The following EQTN variants were observed in gnomAD, a reference collection of about 807,000 sequenced individuals.
EQTN encodes Acrosome formation associated factor.
A neutral mutation model predicts 26.9 loss-of-function variants in EQTN; 29 were observed. The observed-to-expected ratio is 1.08, with a 90% CI of 0.80 to 1.47. The LOEUF is 1.47. EQTN is among the 40% of genes most tolerant of loss of function. EQTN has a pLI of 0.00. For synonymous variants in EQTN, 129 were observed against 120.0 expected, an observed-to-expected ratio of 1.07 and a Z score of -0.49; for missense variants, 391 against 346.1, an observed-to-expected ratio of 1.13 and a Z score of -1.03.
chr9:27,292,352 C>T (rs780534327), intron 4 of EQTN, 49 bp downstream of exon 4: 24 of 1,281,464 alleles, frequency 1.9e-5, no homozygotes, highest in Admixed American at 6.1e-5. Flanking sequence ...ATTTTTAAGT[C>T]ACATAATGAT....
chr9:27,296,405 A>G (rs1820344141), intron 2 of EQTN, among the ~76,000 whole-genome samples: 1 of 152,230 alleles, frequency 6.6e-6, no homozygotes, highest in South Asian at 2.1e-4. Flanking sequence ...AAGGATTAAT[A>G]TATTCTACAT....
At chr9:27,292,589 G>A (rs2131308580) in intron 3 of EQTN, 102 bp from the exon 4 acceptor site, 1 of 601,140 alleles carries the variant, frequency 1.7e-6, no homozygotes, top group African/African-American at 1.9e-5. Context: ...ATGGAACAAA[G>A]AAAAGGAGAG....
chr9:27,294,667 G>A (rs1820302379), intron 2 of EQTN, among the ~76,000 whole-genome samples: 1 of 152,186 alleles, frequency 6.6e-6, no homozygotes, highest in Non-Finnish European at 1.5e-5. Flanking sequence ...AAAAAAATAT[G>A]TAAGCACATA....
rs1359478027 is a variant in EQTN, at chr9:27,294,420, A to T, written c.203-18T>A. The stretch of plus-strand genomic sequence containing the variant: ...GAACACATCTAAAAACAAAAGCGAA[A>T]GTCTTCAGCAACTAGCTAAGTCACT... On this transcript the variant is annotated intron_variant, in intron 2 of 7. Coordinates refer to ENST00000380032, the MANE Select transcript of EQTN (RefSeq NM_020641.3). The T allele has an allele frequency of 6.6e-7, 1 of 1,519,052 alleles. No individual in the cohort carries two copies. Among genetic ancestry groups the T allele is most frequent in the Non-Finnish European group, 9.0e-7 (1 of 1,113,760 alleles). 94.1% of individuals were successfully genotyped at this position (1,519,052 alleles called of 1,614,324 possible). A position where few individuals can be genotyped will look rare whatever the true frequency, so the allele number is the denominator to read the frequency against.
At chr9:27,292,630 T>G in intron 3 of EQTN, 143 bp from the exon 4 acceptor site, 1 of 530,446 alleles carries the variant, frequency 1.9e-6, no homozygotes, top group Non-Finnish European at 3.2e-6. Flanking sequence ...ACATTAACAT[T>G]TTCCAGAAAT....
intron 4 of EQTN, 165 bp downstream of exon 4, chr9:27,292,236 G>C (rs10757650): frequency 0.99 from 416,169 of 419,442 alleles, 206,539 homozygotes; most frequent in East Asian, 1. Flanking sequence ...AAGACTGACT[G>C]TTAGACATTC....
At chr9:27,292,529 G>A (rs369832292) in intron 3 of EQTN, 42 bp from the exon 4 acceptor site, 1 of 1,198,396 alleles carries the variant, frequency 8.3e-7, no homozygotes, top group Admixed American at 1.9e-5. Context: ...TAAAAATACT[G>A]ACGAAACATC....
chr9:27,285,377 C>T (rs914230461), intron 7 of EQTN, among the ~76,000 whole-genome samples: 2 of 151,990 alleles, frequency 1.3e-5, no homozygotes, highest in East Asian at 3.9e-4. Flanking sequence ...TTCTTGACCT[C>T]GTGATCCACC....
At chr9:27,292,805 G>T (rs1398838167) in intron 3 of EQTN, among the ~76,000 whole-genome samples, 1 of 152,196 alleles carries the variant, frequency 6.6e-6, no homozygotes, top group Non-Finnish European at 1.5e-5. Flanking sequence ...ATTGGCTCCA[G>T]ATGGTTCCCT....
chr9:27,286,219 TCA>T lies in EQTN; in HGVS notation c.623_624del (p.Leu208GlnfsTer6). On this transcript the variant is annotated frameshift_variant, in exon 7 of 8. Transcript: ENST00000380032. LOFTEE classifies it low-confidence loss of function (END_TRUNC). Reference sequence around the variant, plus strand: ...GGTCTGCAGACTTACCTCAGATGCCTCAGTTTGTACAGTGTAGCACTACAGAA... The same window carrying T: ...GGTCTGCAGACTTACCTCAGATGCCTGTTTGTACAGTGTAGCACTACAGAA... ...LAFCSATLYK[L>X]RHLSYKSCES... 1 of 1,613,812 alleles carries T rather than the reference TCA, an allele frequency of 6.2e-7. No homozygotes were observed. The highest frequency in any genetic ancestry group is 8.5e-7 in the Non-Finnish European group (1 of 1,179,830).
chr9:27,291,789 A>G (rs1302080190), intron 4 of EQTN, among the ~76,000 whole-genome samples: 1 of 152,226 alleles, frequency 6.6e-6, no homozygotes, highest in East Asian at 1.9e-4. Context: ...CTTGGATTGC[A>G]TAAACTGGAG....
chr9:27,296,788 T>C, intron 1 of EQTN, 50 bp from the exon 2 acceptor site: 1 of 1,582,294 alleles, frequency 6.3e-7, no homozygotes, highest in Non-Finnish European at 8.5e-7. Flanking sequence ...TGATTTCTTT[T>C]ACTGCTTTCT....
At chr9:27,288,851 G>A (rs1273834836) in intron 6 of EQTN, among the ~76,000 whole-genome samples, 6 of 152,176 alleles carry the variant, frequency 3.9e-5, no homozygotes, top group Non-Finnish European at 8.8e-5. Flanking sequence ...AGGGGTTCAG[G>A]AGGAGAGAGG....
intron 3 of EQTN, 60 bp downstream of exon 3, chr9:27,294,256 C>A: frequency 1.7e-6 from 2 of 1,175,512 alleles, no homozygotes; most frequent in South Asian, 1.4e-5. Context: ...TCTCTTATTG[C>A]TGTTTTGAAA....
chr9:27,288,815 C>T lies in EQTN; in HGVS notation c.481+857G>A, dbSNP rs7033079. On this transcript the variant is annotated intron_variant, in intron 6 of 7. Transcript: ENST00000380032. Reference sequence around the variant, plus strand: ...CATTCTAGAAAAGGCAAAACTATAGCGATAGTAAAAAGATCAGTGGTTTTC... The same window carrying T: ...CATTCTAGAAAAGGCAAAACTATAGTGATAGTAAAAAGATCAGTGGTTTTC... Among the ~76,000 whole-genome samples, 1,027 of 152,074 alleles carry T rather than the reference C, an allele frequency of 6.8e-3. 11 individuals carry two copies. Among genetic ancestry groups the T allele is most frequent in the African/African-American group, 0.024 (994 of 41,450 alleles).
At chr9:27,292,012 C>T (rs559769272) in intron 4 of EQTN, 1 of 152,578 alleles carries the variant, frequency 6.6e-6, no homozygotes. Flanking sequence ...TAATAATTGA[C>T]CCTAACCAGA....
chr9:27,294,274 T>C, intron 3 of EQTN, 42 bp downstream of exon 3: 1 of 1,411,054 alleles, frequency 7.1e-7, no homozygotes, highest in Non-Finnish European at 1.0e-6. Context: ...AAATCCTGCT[T>C]TAATGGCTTT....
At position 27,286,301 on chromosome 9, in the gene EQTN, T is replaced by A. The variant is rs1441441682; in HGVS notation, c.543A>T (p.Lys181Asn). ...TCATCAACGAGATTCCCAGCATTAT[T>A]TTGATCTTCAGATCCTCTAGATCTG... ...NQPDLEDLKI[K>N]IMLGISLMTL... Residue 181 changes from lysine to asparagine, a missense_variant, in exon 7 of 8, where the codon AAA (lysine) becomes AAT (asparagine). Physicochemically the swap from Lys to Asn is moderately conservative, Grantham distance 94 (BLOSUM62 0). Transcript: ENST00000380032. 1 of 1,610,906 alleles carries A rather than the reference T, an allele frequency of 6.2e-7. No individual in the cohort carries two copies. Among genetic ancestry groups the A allele is most frequent in the Admixed American group, 1.7e-5 (1 of 59,562 alleles).
At chr9:27,286,177 G>C (rs774331653) in intron 7 of EQTN, 32 bp downstream of exon 7, 5 of 1,605,072 alleles carry the variant, frequency 3.1e-6, no homozygotes, top group Non-Finnish European at 3.4e-6. Flanking sequence ...TCATGCATTT[G>C]TTGTAAAGAC....
Sources: gnomAD v4.1 joint callset for allele counts (sites outside exome capture counted in the v4.1 genomes callset) on GRCh38, gnomAD v4.1.1 for gene constraint, MANE v1.5 for transcripts, NCBI Gene and HGNC (gene_info 2026-07-23, HGNC 2026-07-21) for gene names.